Variants in CDKAL1 observed in about 807,000 individuals in gnomAD.
CDKAL1 encodes the protein threonylcarbamoyladenosine tRNA methylthiotransferase.
CDKAL1 carries 32 observed loss-of-function variants against 68.2 expected under a neutral mutation model. The ratio of observed to expected loss-of-function variants is 0.47; its 90% confidence interval spans 0.35 to 0.63. The LOEUF (loss-of-function observed/expected upper bound fraction) is 0.63. Ranked by LOEUF, CDKAL1 falls within the 30% of genes least tolerant of loss-of-function variation. The probability of loss-of-function intolerance (pLI) is 0.00; values close to 1 mark genes in which losing one functional copy is unlikely to be tolerated. For synonymous variants in CDKAL1, 234 were observed against 244.3 expected (o/e 0.96, Z 0.39); for missense variants, 606 against 696.7 (o/e 0.87, Z 1.47).
chr6:20,583,513 A>G (rs1286040502), intron 4 of CDKAL1, among the ~76,000 whole-genome samples: 24 of 152,200 alleles, frequency 1.6e-4, no homozygotes, highest in Admixed American at 1.6e-3. Flanking sequence ...GTGGAAAGAC[A>G]AAATACACAC....
At chr6:20,571,678 G>A (rs1045601676) in intron 4 of CDKAL1, among the ~76,000 whole-genome samples, 2 of 151,666 alleles carry the variant, frequency 1.3e-5, no homozygotes, top group Non-Finnish European at 2.9e-5. Context: ...TATTTGACTT[G>A]GGAGACAAAA....
chr6:21,146,680 C>G (rs1336821149), intron 13 of CDKAL1, among the ~76,000 whole-genome samples: 1 of 151,860 alleles, frequency 6.6e-6, no homozygotes, highest in Non-Finnish European at 1.5e-5. Flanking sequence ...GAAACCCCAT[C>G]TCTACTAAAA....
chr6:21,228,671 T>C (rs76358947), intron 15 of CDKAL1, among the ~76,000 whole-genome samples: 3,148 of 152,308 alleles, frequency 0.021, 108 homozygotes, highest in African/African-American at 0.072. Context: ...GCTCTGTGAC[T>C]GCAGCCTGCT....
At chr6:20,835,480 G>A (rs1473508906) in intron 8 of CDKAL1, among the ~76,000 whole-genome samples, 1 of 97,326 alleles carries the variant, frequency 1.0e-5, no homozygotes, top group African/African-American at 4.0e-5. Flanking sequence ...GCTTTGCTTT[G>A]TTTGTCTTGT....
At chr6:20,910,230 G>T (rs963413874) in intron 9 of CDKAL1, among the ~76,000 whole-genome samples, 1 of 152,192 alleles carries the variant, frequency 6.6e-6, no homozygotes, top group Admixed American at 6.5e-5. Flanking sequence ...CTGTGGGTCT[G>T]GGATGGAGCC....
intron 9 of CDKAL1, among the ~76,000 whole-genome samples, chr6:20,879,542 A>C (rs1301452252): frequency 2.0e-5 from 3 of 152,234 alleles, no homozygotes; most frequent in African/African-American, 7.2e-5. Context: ...AGATTCATTC[A>C]GGAAGCAAAT....
intron 5 of CDKAL1, among the ~76,000 whole-genome samples, chr6:20,735,264 G>C (rs764059617): frequency 5.3e-5 from 8 of 152,022 alleles, no homozygotes; most frequent in African/African-American, 1.9e-4. Context: ...TCATTCTCAT[G>C]CTACAAATAA....
At position 20,975,226 on chromosome 6, in the gene CDKAL1, T is replaced by C. The variant is rs1404793894; in HGVS notation, c.909+19641T>C. ...GACTGACCAGTTAATCTCTGCCGTCTCCAGGTGATAGATATCCTTGCCTTG... is the reference window on the plus strand; with the variant it reads ...GACTGACCAGTTAATCTCTGCCGTCCCCAGGTGATAGATATCCTTGCCTTG... On this transcript the variant is annotated intron_variant, in intron 10 of 15. Transcript: ENST00000274695. Among the ~76,000 whole-genome samples the C allele has an allele frequency of 3.3e-5, 5 of 152,178 alleles. No individual in the cohort carries two copies. In the East Asian group the frequency reaches 9.6e-4, roughly 29 times the overall value.
At chr6:20,972,649 G>A (rs145506263) in intron 10 of CDKAL1, among the ~76,000 whole-genome samples, 24 of 152,270 alleles carry the variant, frequency 1.6e-4, no homozygotes, top group African/African-American at 4.6e-4. Context: ...TGTTTGGAAC[G>A]TGGGTCATCA....
At chr6:21,095,573 C>T (rs1488668028) in intron 12 of CDKAL1, among the ~76,000 whole-genome samples, 1 of 142,364 alleles carries the variant, frequency 7.0e-6, no homozygotes, top group South Asian at 2.3e-4. Context: ...TTCCCCCCAA[C>T]CCCCCTCCTA....
chr6:21,150,180 A>T (rs1304282266), intron 13 of CDKAL1, among the ~76,000 whole-genome samples: 1 of 152,172 alleles, frequency 6.6e-6, no homozygotes, highest in East Asian at 1.9e-4. Context: ...TTCTGTTCCA[A>T]CTAGTGATGG....
rs143675303 is a variant in CDKAL1, at chr6:20,579,038, C to T, written c.286+30333C>T. ...TGTTGCCCAGGCTGGAGTGCAGCAGCGCAATCTCGGCTCACTGCAACCTCT... is the reference window on the plus strand; with the variant it reads ...TGTTGCCCAGGCTGGAGTGCAGCAGTGCAATCTCGGCTCACTGCAACCTCT... On this transcript the variant is annotated intron_variant, in intron 4 of 15. Transcript: ENST00000274695. Among the ~76,000 whole-genome samples the T allele has an allele frequency of 1.7e-3, 255 of 152,266 alleles. 2 individuals are homozygous for T. Among genetic ancestry groups the T allele is most frequent in the African/African-American group, 5.7e-3 (235 of 41,564 alleles).
At chr6:20,960,109 C>T (rs567166149) in intron 10 of CDKAL1, among the ~76,000 whole-genome samples, 1 of 152,218 alleles carries the variant, frequency 6.6e-6, no homozygotes, top group South Asian at 2.1e-4. Flanking sequence ...ATATTATTAT[C>T]CTCAATTTTC....
At chr6:20,889,328 T>A (rs917401871) in intron 9 of CDKAL1, among the ~76,000 whole-genome samples, 2 of 152,218 alleles carry the variant, frequency 1.3e-5, no homozygotes, top group Admixed American at 1.3e-4. Context: ...GGTTGCCTAT[T>A]CACTCTGATG....
chr6:20,862,296 A>G (rs1759673212), intron 9 of CDKAL1, among the ~76,000 whole-genome samples: 1 of 152,180 alleles, frequency 6.6e-6, no homozygotes, highest in African/African-American at 2.4e-5. Flanking sequence ...CGATTCAGTT[A>G]AGCTTGTGAT....
chr6:20,652,678 T>C (rs1005063308), intron 5 of CDKAL1, among the ~76,000 whole-genome samples: 3 of 152,174 alleles, frequency 2.0e-5, no homozygotes, highest in Non-Finnish European at 4.4e-5. Flanking sequence ...ATTCTTCTCT[T>C]CTTAATTTCA....
intron 5 of CDKAL1, among the ~76,000 whole-genome samples, chr6:20,732,501 G>A (rs775737466): frequency 8.7e-5 from 13 of 149,176 alleles, no homozygotes; most frequent in Non-Finnish European, 1.8e-4. Flanking sequence ...TGGCCAAGCT[G>A]GTCTCAAATT....
At chr6:20,623,195 A>G (rs1051094366) in intron 4 of CDKAL1, among the ~76,000 whole-genome samples, 1 of 152,054 alleles carries the variant, frequency 6.6e-6, no homozygotes, top group African/African-American at 2.4e-5. Context: ...AAGCCCATTC[A>G]TTTTTTTAGT....
chr6:20,842,344 A>G (rs1778205634), intron 8 of CDKAL1, among the ~76,000 whole-genome samples: 1 of 152,224 alleles, frequency 6.6e-6, no homozygotes, highest in South Asian at 2.1e-4. Context: ...TAGCAAGTTT[A>G]AAGAAACGTA....
Sources: allele counts gnomAD v4.1 joint callset (sites outside exome capture counted in the v4.1 genomes callset), GRCh38; gene constraint gnomAD v4.1.1; transcripts MANE v1.5; gene names NCBI Gene and HGNC (gene_info 2026-07-23, HGNC 2026-07-21).